The following BIN3 variants were observed in gnomAD, a reference collection of about 807,000 sequenced individuals.
BIN3 encodes bridging integrator 3.
A neutral mutation model predicts 38.2 loss-of-function variants in BIN3; 41 were observed. The ratio of observed to expected loss-of-function variants is 1.07; its 90% CI spans 0.84 to 1.39. BIN3 has a LOEUF of 1.39. Ranked by LOEUF, BIN3 falls within the 40% of genes most tolerant of loss-of-function variation. BIN3 has a pLI of 0.00. For missense variants in BIN3, 361 were observed against 324.3 expected, an observed-to-expected ratio of 1.11 and a Z score of -0.87; for synonymous variants, 145 against 122.6, an observed-to-expected ratio of 1.18 and a Z score of -1.21.
chr8:22,621,247 G>T lies in BIN3; in HGVS notation c.*175C>A. On this transcript the variant is annotated 3_prime_UTR_variant, in exon 9 of 9. Coordinates refer to ENST00000276416, the MANE Select transcript of BIN3 (RefSeq NM_018688.6). ...CTGGGGCTGTGAGTGGGGAGACGGCGGCCTGCCTAGGGCTCCTGGTGCCAG... is the reference window on the plus strand; with the variant it reads ...CTGGGGCTGTGAGTGGGGAGACGGCTGCCTGCCTAGGGCTCCTGGTGCCAG... 1 of 806,716 alleles carries T rather than the reference G, an allele frequency of 1.2e-6. No individual in the cohort carries two copies. The highest frequency in any genetic ancestry group is 1.9e-6 in the Non-Finnish European group (1 of 526,450). The allele number at this position is 806,716 out of a possible 1,614,324, so 50.0% of individuals were successfully genotyped here.
chr8:22,656,938 T>A (rs73671247), intron 1 of BIN3, among the ~76,000 whole-genome samples: 2 of 152,232 alleles, frequency 1.3e-5, no homozygotes, highest in Non-Finnish European at 2.9e-5. Flanking sequence ...TCCTGCTTTC[T>A]GATTATGACA....
intron 3 of BIN3, 90 bp downstream of exon 3, chr8:22,636,832 G>A (rs973586873): frequency 1.4e-6 from 2 of 1,435,254 alleles, no homozygotes; most frequent in African/African-American, 1.4e-5. Flanking sequence ...GGTGCTCACG[G>A]GGCAGGGCAC....
intron 6 of BIN3, among the ~76,000 whole-genome samples, chr8:22,626,810 C>T (rs1333274642): frequency 6.6e-6 from 1 of 152,142 alleles, no homozygotes; most frequent in Non-Finnish European, 1.5e-5. Context: ...GCAGCCTGAC[C>T]CCCCAACATC....
Position 22,659,430 on chromosome 8 carries a change from T to C in BIN3, c.8+9614A>G, listed in dbSNP as rs946431713. Reference sequence around the variant, plus strand: ...CGGTTTGTGACTTGGACCAGAACAATCTTCCAGCTCAGCTGTGATCCCTCC... The same window carrying C: ...CGGTTTGTGACTTGGACCAGAACAACCTTCCAGCTCAGCTGTGATCCCTCC... On this transcript the variant is annotated intron_variant, in intron 1 of 8. Transcript: ENST00000276416. Among the ~76,000 whole-genome samples the C allele has an allele frequency of 2.6e-5, 4 of 152,188 alleles. No individual in the cohort carries two copies. The East Asian group carries it at 7.7e-4, about 29-fold the overall frequency.
At chr8:22,652,487 G>T (rs1056936829) in intron 1 of BIN3, among the ~76,000 whole-genome samples, 3 of 152,218 alleles carry the variant, frequency 2.0e-5, no homozygotes, top group Admixed American at 2.0e-4. Context: ...GCGTGTGCAT[G>T]TATGTGTACA....
rs147457527 is a variant in BIN3, at chr8:22,636,506, C to A, written c.160+19G>T. The A allele has an allele frequency of 1.3e-6, 2 of 1,551,262 alleles. No individual in the cohort carries two copies. The highest frequency in any genetic ancestry group is 4.9e-5 in the East Asian group (2 of 40,920). ...GCCCCACCTGCTCAAGCGAGTGGTG[C>A]GGGTGGAAAGTCACCTACCCAGGTC... On this transcript the variant is annotated intron_variant, in intron 4 of 8. Transcript: ENST00000276416.
intron 3 of BIN3, 86 bp downstream of exon 3, chr8:22,636,824 TGCTCACGGGGCA>T: frequency 3.0e-6 from 4 of 1,353,016 alleles, no homozygotes; most frequent in Non-Finnish European, 4.2e-6. Flanking sequence ...GCTTCCAGGG[TGCTCACGGGGCA>T]GGGCACGGGG....
At chr8:22,629,449 C>G (rs975912595) in intron 6 of BIN3, among the ~76,000 whole-genome samples, 1 of 152,244 alleles carries the variant, frequency 6.6e-6, no homozygotes, top group Non-Finnish European at 1.5e-5. Context: ...AGAAGCATTC[C>G]TGACCCCAAC....
chr8:22,648,088 T>C (rs535381933), intron 1 of BIN3, among the ~76,000 whole-genome samples: 2 of 128,814 alleles, frequency 1.6e-5, no homozygotes, highest in Admixed American at 1.6e-4. Context: ...TGAGCCGAGA[T>C]TGCGCCACTA....
intron 1 of BIN3, among the ~76,000 whole-genome samples, chr8:22,646,135 GGAGCTTCCTT>G (rs1295945757): frequency 6.6e-6 from 1 of 152,174 alleles, no homozygotes; most frequent in African/African-American, 2.4e-5. Flanking sequence ...AGGTAATTTA[GGAGCTTCCTT>G]GAGGCACTGA....
At chr8:22,625,638 A>G (rs1353025682) in intron 6 of BIN3, 3 of 541,074 alleles carry the variant, frequency 5.5e-6, no homozygotes, top group Non-Finnish European at 1.0e-5. Flanking sequence ...CCCAGGCTGG[A>G]GTACAGTGGT....
chr8:22,630,345 G>A (rs1802151542), intron 5 of BIN3, 97 bp downstream of exon 5: 3 of 1,502,806 alleles, frequency 2.0e-6, no homozygotes, highest in Non-Finnish European at 2.7e-6. Flanking sequence ...AGCCCTGAGA[G>A]CAGAGGGAGC....
At chr8:22,649,849 A>ACACG (rs1470384648) in intron 1 of BIN3, among the ~76,000 whole-genome samples, 7 of 139,996 alleles carry the variant, frequency 5.0e-5, no homozygotes, top group Non-Finnish European at 9.1e-5. Context: ...ACACACACAC[A>ACACG]CACACACACC....
intron 1 of BIN3, among the ~76,000 whole-genome samples, chr8:22,652,628 C>G (rs574899654): frequency 5.3e-5 from 8 of 152,332 alleles, no homozygotes; most frequent in African/African-American, 1.9e-4. Flanking sequence ...GCTGCCCTCT[C>G]AGAGGCGGGT....
chr8:22,625,362 T>G (rs377052974), intron 6 of BIN3: 4 of 702,500 alleles, frequency 5.7e-6, no homozygotes, highest in African/African-American at 5.2e-5. Flanking sequence ...AGGGAGCTCA[T>G]GACTCTGTGG....
chr8:22,669,066 G>A lies in BIN3; in HGVS notation c.-15C>T, dbSNP rs1585212082. ...CACCAGCTCATGGTCCCGAACCTGC[G>A]TCTGCCGCCGGGGTCCTCAGCCACA... On this transcript the variant is annotated 5_prime_UTR_variant, in exon 1 of 9. In the 5' UTR this introduces an upstream ATG that the reference lacks. Transcript: ENST00000276416. The A allele has an allele frequency of 1.9e-6, 3 of 1,591,326 alleles. No homozygotes were observed. The highest frequency in any genetic ancestry group is 1.8e-5 in the Admixed American group (1 of 56,934).
chr8:22,638,285 G>A (rs1585188013), intron 2 of BIN3, among the ~76,000 whole-genome samples: 2 of 152,182 alleles, frequency 1.3e-5, no homozygotes, highest in East Asian at 1.9e-4. Flanking sequence ...ACATAGCCCT[G>A]GAATGACAAA....
At chr8:22,665,649 T>G (rs1346487435) in intron 1 of BIN3, among the ~76,000 whole-genome samples, 1 of 152,112 alleles carries the variant, frequency 6.6e-6, no homozygotes, top group Non-Finnish European at 1.5e-5. Context: ...CAGAGGCACA[T>G]GGGCACGAGA....
intron 1 of BIN3, among the ~76,000 whole-genome samples, chr8:22,657,107 C>A (rs1803080410): frequency 6.6e-6 from 1 of 152,190 alleles, no homozygotes; most frequent in South Asian, 2.1e-4. Context: ...CTAGGGATAT[C>A]AGGATGAACG....
Sources: gnomAD v4.1 joint callset for allele counts (sites outside exome capture counted in the v4.1 genomes callset) on GRCh38, gnomAD v4.1.1 for gene constraint, MANE v1.5 for transcripts, NCBI Gene and HGNC (gene_info 2026-07-23, HGNC 2026-07-21) for gene names.